COPZ1: variants seen among roughly 807,000 people sequenced by gnomAD.
COPZ1 encodes the protein coat protein complex I subunit zeta 1, also known as coatomer subunit zeta-1.
Under a neutral mutation model 31.7 loss-of-function variants are expected in COPZ1, and 4 were observed. The ratio of observed to expected loss-of-function variants is 0.13; its 90% CI spans 0.06 to 0.29. The LOEUF is 0.29. Ranked by LOEUF, COPZ1 falls within the 10% of genes least tolerant of loss-of-function variation. COPZ1 has a pLI of 1.00. For synonymous variants in COPZ1, 74 were observed against 79.0 expected (o/e 0.94, Z 0.33); for missense variants, 156 against 211.5 (o/e 0.74, Z 1.63).
intron 1 of COPZ1, among the ~76,000 whole-genome samples, chr12:54,329,959 C>T (rs1458499653): frequency 6.6e-6 from 1 of 152,042 alleles, no homozygotes; most frequent in African/African-American, 2.4e-5. Flanking sequence ...CCTAAATGCC[C>T]CCCTCCCCCT....
At chr12:54,325,297 G>T (rs1338706305) in intron 1 of COPZ1, 116 bp downstream of exon 1, 7 of 1,331,326 alleles carry the variant, frequency 5.3e-6, no homozygotes, top group East Asian at 5.0e-5. Context: ...GGGACTGAGC[G>T]TTCTGCTGAC....
At chr12:54,325,815 T>G (rs1391658517) in intron 1 of COPZ1, 1 of 148,676 alleles carries the variant, frequency 6.7e-6, no homozygotes, top group African/African-American at 2.5e-5. Flanking sequence ...AGGAATTCTT[T>G]TTTTTTTTTT....
intron 3 of COPZ1, 34 bp downstream of exon 3, chr12:54,342,321 G>T: frequency 6.7e-7 from 1 of 1,491,310 alleles, no homozygotes; most frequent in Non-Finnish European, 9.4e-7. Flanking sequence ...TACCCGTGCT[G>T]GGGGGAACCA....
chr12:54,331,934 C>T (rs1192344059), intron 1 of COPZ1, among the ~76,000 whole-genome samples: 1 of 152,200 alleles, frequency 6.6e-6, no homozygotes, highest in African/African-American at 2.4e-5. Context: ...TTCAGTTCAT[C>T]TCTCTTCCCA....
chr12:54,331,729 G>A (rs183920662), intron 1 of COPZ1, among the ~76,000 whole-genome samples: 1 of 152,082 alleles, frequency 6.6e-6, no homozygotes. Flanking sequence ...GGGAGATGTG[G>A]GGGGGAGTAA....
In COPZ1 at chr12:54,344,068, A is replaced by G. The variant is rs375847148; in HGVS notation, c.261+752A>G. ...GTTATCTGATGTGGTTCAACCTAGT[A>G]ACTTTCTCAGGGTCACACATGTAGA... On this transcript the variant is annotated intron_variant, in intron 4 of 8. Transcript: ENST00000262061. Among the ~76,000 whole-genome samples, 15 of 152,348 alleles carry G rather than the reference A, an allele frequency of 9.8e-5. No individual in the cohort carries two copies. The East Asian group carries it at 1.2e-3, about 12-fold the overall frequency.
chr12:54,348,506 A>T (rs1349743912), intron 7 of COPZ1, among the ~76,000 whole-genome samples: 2 of 152,100 alleles, frequency 1.3e-5, no homozygotes, highest in Non-Finnish European at 2.9e-5. Context: ...TGGGAAGCCG[A>T]GGCTGGCGGA....
intron 1 of COPZ1, among the ~76,000 whole-genome samples, chr12:54,337,578 C>A (rs1470222441): frequency 2.6e-5 from 4 of 152,218 alleles, no homozygotes; most frequent in East Asian, 1.9e-4. Context: ...TAGCCCTCCC[C>A]ACTCCTGAGA....
intron 3 of COPZ1, among the ~76,000 whole-genome samples, chr12:54,342,857 T>C (rs966091721): frequency 6.9e-5 from 10 of 145,656 alleles, no homozygotes; most frequent in Admixed American, 1.4e-4. Context: ...CGCCTTCTTT[T>C]TTTTTTTTTT....
intron 2 of COPZ1, 39 bp from the exon 3 acceptor site, chr12:54,342,167 C>T: frequency 6.9e-7 from 1 of 1,458,908 alleles, no homozygotes; most frequent in Non-Finnish European, 9.6e-7. Context: ...TGGCTTCCAG[C>T]TCTAGTGACC....
intron 1 of COPZ1, among the ~76,000 whole-genome samples, chr12:54,328,174 G>T (rs765332854): frequency 6.6e-6 from 1 of 151,742 alleles, no homozygotes; most frequent in Non-Finnish European, 1.5e-5. Flanking sequence ...TACTCAGGAG[G>T]CTGAGGCAGG....
chr12:54,335,689 T>A (rs1444595605), intron 1 of COPZ1, among the ~76,000 whole-genome samples: 1 of 152,014 alleles, frequency 6.6e-6, no homozygotes, highest in Admixed American at 6.6e-5. Flanking sequence ...TCTTTTTTTT[T>A]TTGAGGCGGT....
intron 8 of COPZ1, 64 bp downstream of exon 8, chr12:54,349,722 C>A: frequency 2.4e-6 from 3 of 1,227,482 alleles, no homozygotes; most frequent in Non-Finnish European, 3.6e-6. Context: ...AACAGCATTC[C>A]ACCCATACCT....
chr12:54,340,523 G>A lies in COPZ1; in HGVS notation c.19-24G>A, dbSNP rs199571158. The A allele has an allele frequency of 5.0e-5, 81 of 1,613,652 alleles. 1 individual carries two copies. The highest frequency in any genetic ancestry group is 6.7e-5 in the Non-Finnish European group (79 of 1,179,916). Reference sequence around the variant, plus strand: ...AGTGGTGATGGGAGGCTTCAGGACTGAAGGTATGTTCGTATCTCTTCAGGA... The same window carrying A: ...AGTGGTGATGGGAGGCTTCAGGACTAAAGGTATGTTCGTATCTCTTCAGGA... On this transcript the variant is annotated intron_variant, in intron 1 of 8. Transcript: ENST00000262061.
Position 54,350,615 on chromosome 12 carries a change from G to T in COPZ1, c.*92G>T. On this transcript the variant is annotated 3_prime_UTR_variant, in exon 9 of 9. Transcript: ENST00000262061. ...TAGTTCCCCAATCGATGCTCTCAGGGTCATCTCGGGGATCACAGGGATCCT... is the reference window on the plus strand; with the variant it reads ...TAGTTCCCCAATCGATGCTCTCAGGTTCATCTCGGGGATCACAGGGATCCT... The T allele has an allele frequency of 9.7e-7, 1 of 1,028,616 alleles. No homozygotes were observed. The allele number at this position is 1,028,616 out of a possible 1,614,324, so 63.7% of individuals were successfully genotyped here. A position where few individuals can be genotyped will look rare whatever the true frequency, so the allele number is the denominator to read the frequency against.
At chr12:54,328,409 A>C (rs1400404368) in intron 1 of COPZ1, among the ~76,000 whole-genome samples, 2 of 152,038 alleles carry the variant, frequency 1.3e-5, no homozygotes, top group African/African-American at 4.8e-5. Flanking sequence ...GTCTCTGCTA[A>C]AAATACAAAA....
chr12:54,337,324 C>A (rs145514115), intron 1 of COPZ1: 1 of 533,410 alleles, frequency 1.9e-6, no homozygotes, highest in Non-Finnish European at 3.9e-6. Flanking sequence ...AGCAGCTACC[C>A]ATTTTGGGAG....
At chr12:54,333,819 G>A (rs1953804205) in intron 1 of COPZ1, among the ~76,000 whole-genome samples, 1 of 152,196 alleles carries the variant, frequency 6.6e-6, no homozygotes, top group South Asian at 2.1e-4. Flanking sequence ...CCCGAGTCAT[G>A]TGTTGAGTTT....
chr12:54,347,636 C>G, intron 5 of COPZ1, 131 bp from the exon 6 acceptor site: 1 of 754,278 alleles, frequency 1.3e-6, no homozygotes, highest in East Asian at 2.7e-5. Flanking sequence ...AAGTTCTTCA[C>G]CTTATTTACT....
Sources: gnomAD v4.1 joint callset for allele counts (sites outside exome capture counted in the v4.1 genomes callset) on GRCh38, gnomAD v4.1.1 for gene constraint, MANE v1.5 for transcripts, NCBI Gene and HGNC (gene_info 2026-07-23, HGNC 2026-07-21) for gene names.